PTAFR: variants seen among roughly 807,000 people sequenced by gnomAD.
The protein encoded by PTAFR is platelet activating factor receptor.
A neutral mutation model predicts 14.7 loss-of-function variants in PTAFR; 8 were observed. The observed-to-expected ratio is 0.54, with a 90% confidence interval of 0.32 to 0.98. The LOEUF is 0.98. Ranked by LOEUF, PTAFR falls within the 50% of genes least tolerant of loss-of-function variation. The pLI is 0.04. For missense variants in PTAFR, 337 were observed against 451.2 expected (o/e 0.75, Z 2.29); for synonymous variants, 156 against 176.5 (o/e 0.88, Z 0.92).
At chr1:28,188,515 G>T (rs935357498) in intron 1 of PTAFR, among the ~76,000 whole-genome samples, 11 of 152,252 alleles carry the variant, frequency 7.2e-5, no homozygotes, top group Admixed American at 4.6e-4. Context: ...AAGGCAGGAG[G>T]ATCATCTGAG....
rs763239208 is a variant in PTAFR, at chr1:28,150,230, G to C, written c.792C>G (p.Asp264Glu). 1.2e-6 allele frequency: 2 copies of C among 1,613,456 alleles called. No individual in the cohort carries two copies. Among genetic ancestry groups the C allele is most frequent in the African/African-American group, 2.7e-5 (2 of 74,914 alleles). ...CATTAATGGCCTGGTGGAATTTGCT[G>C]TCCTGGAAGCCCAGCTCAGCAAGGG... ...PWTLAELGFQ[D>E]SKFHQAINDA... Residue 264 changes from aspartate (D) to glutamate (E), a missense_variant, in exon 2 of 2, where the codon GAC becomes GAG. By Grantham distance (45) the Asp-to-Glu change is conservative. Transcript: ENST00000373857. This position sits in a 1 kb window ranked among gnomAD's most constrained non-coding sequence, Gnocchi z 6.3.
chr1:28,175,688 C>A (rs1572044882), intron 1 of PTAFR, among the ~76,000 whole-genome samples: 1 of 152,032 alleles, frequency 6.6e-6, no homozygotes, highest in African/African-American at 2.4e-5. Context: ...GGGCTTGGCC[C>A]TGTGTATAAG....
chr1:28,164,205 T>C (rs1274252854), intron 1 of PTAFR, among the ~76,000 whole-genome samples: 1 of 152,174 alleles, frequency 6.6e-6, no homozygotes, highest in Non-Finnish European at 1.5e-5. Context: ...AGATTGTGGG[T>C]TGGGAAGTTG....
chr1:28,168,793 C>T (rs767996234), intron 1 of PTAFR, among the ~76,000 whole-genome samples: 2 of 152,034 alleles, frequency 1.3e-5, no homozygotes, highest in Admixed American at 6.6e-5. Flanking sequence ...CTCAGCCTCC[C>T]GAGTAGCTGG....
chr1:28,175,359 A>C (rs951335107), intron 1 of PTAFR, among the ~76,000 whole-genome samples: 2 of 151,436 alleles, frequency 1.3e-5, no homozygotes, highest in Non-Finnish European at 2.9e-5. Flanking sequence ...AAGGGGCTGA[A>C]CTCTTTCTCC....
intron 1 of PTAFR, among the ~76,000 whole-genome samples, chr1:28,188,233 C>G (rs528474800): frequency 6.6e-6 from 1 of 152,166 alleles, no homozygotes; most frequent in Non-Finnish European, 1.5e-5. Context: ...ATCGCTTGAA[C>G]CCAGGAGTTC....
At chr1:28,177,892 G>A (rs572711218), upstream of PTAFR, among the ~76,000 whole-genome samples, 2 of 152,104 alleles carry the variant, frequency 1.3e-5, no homozygotes, top group East Asian at 3.9e-4. Context: ...GGGGCATCCC[G>A]TGTGCATAAG....
At chr1:28,168,918 T>C (rs944956449) in intron 1 of PTAFR, among the ~76,000 whole-genome samples, 5 of 152,014 alleles carry the variant, frequency 3.3e-5, no homozygotes, top group Non-Finnish European at 5.9e-5. Flanking sequence ...TCCACCCTCA[T>C]TGACCTCCCA....
chr1:28,181,364 C>G (rs988479647), upstream of PTAFR, among the ~76,000 whole-genome samples: 2 of 152,298 alleles, frequency 1.3e-5, no homozygotes, highest in Non-Finnish European at 2.9e-5. Context: ...CTAGTTTACT[C>G]CTGTTACAGA....
At chr1:28,190,365 C>T (rs1210971098) in intron 1 of PTAFR, among the ~76,000 whole-genome samples, 1 of 152,166 alleles carries the variant, frequency 6.6e-6, no homozygotes, top group Non-Finnish European at 1.5e-5. Flanking sequence ...ATGATTACCT[C>T]TGGGAAAGAG....
At chr1:28,192,603 G>C in intron 1 of PTAFR, among the ~76,000 whole-genome samples, 1 of 150,022 alleles carries the variant, frequency 6.7e-6, no homozygotes, top group African/African-American at 2.4e-5. Context: ...AAGCCTTGGT[G>C]TTTGGCTCCC....
chr1:28,155,950 G>A (rs898779078), intron 1 of PTAFR, among the ~76,000 whole-genome samples: 1 of 151,922 alleles, frequency 6.6e-6, no homozygotes, highest in Non-Finnish European at 1.5e-5. Context: ...CTATATGCGG[G>A]GCTTTGATAT....
rs1646166871 is a variant in PTAFR at position 28,150,329 on chromosome 1, C to T, written c.693G>A (p.Leu231=). The change falls in exon 2 of 2, where the codon CTG becomes CTA. Residue 231 remains leucine (L), a synonymous_variant. Transcript: ENST00000373857. The surrounding 1 kb of genome is among the most constrained non-coding windows in gnomAD (Gnocchi z 6.3). The part of the protein sequence containing the change: ...QRNAEVKRRA[L]WMVCTVLAVF... ...CCGCCAAGACCGTGCACACCATCCACAGCGCCCGGCGCTTGACTTCAGCGT... is the reference window on the plus strand; with the variant it reads ...CCGCCAAGACCGTGCACACCATCCATAGCGCCCGGCGCTTGACTTCAGCGT... 6.2e-7 allele frequency: 1 copy of T among 1,613,934 alleles called. No homozygotes were observed. The highest frequency in any genetic ancestry group is 1.1e-5 in the South Asian group (1 of 91,058).
chr1:28,155,255 G>A (rs1488840769), intron 1 of PTAFR, among the ~76,000 whole-genome samples: 1 of 152,156 alleles, frequency 6.6e-6, no homozygotes, highest in Non-Finnish European at 1.5e-5. Context: ...CTGTCACCCA[G>A]GCTGGAGCGC....
chr1:28,159,431 T>C (rs1421087817), intron 1 of PTAFR, among the ~76,000 whole-genome samples: 1 of 151,974 alleles, frequency 6.6e-6, no homozygotes, highest in African/African-American at 2.4e-5. Flanking sequence ...TGTGGAAACA[T>C]GGAAATCAAT....
At chr1:28,187,552 C>T (rs983063067) in intron 1 of PTAFR, among the ~76,000 whole-genome samples, 1 of 152,086 alleles carries the variant, frequency 6.6e-6, no homozygotes, top group African/African-American at 2.4e-5. Flanking sequence ...GTCACCCAAG[C>T]TGGAGTGAAG....
In PTAFR at chr1:28,147,645, C is replaced by CA. The variant is rs1459550699; in HGVS notation, c.*2347dup. ...TCTATGTGTTCAGGTAAGGGACCTG[C>CA]AAAGCCTGAACAGCCTCCCTAAATC... On this transcript the variant is annotated 3_prime_UTR_variant, in exon 2 of 2. Coordinates refer to ENST00000373857, the MANE Select transcript of PTAFR (RefSeq NM_000952.5). 1 of 152,152 alleles carries CA rather than the reference C, an allele frequency of 6.6e-6. No homozygotes were observed. Among genetic ancestry groups the CA allele is most frequent in the East Asian group, 1.9e-4 (1 of 5,190 alleles). The allele number at this position is 152,152 out of a possible 1,614,324, so 9.4% of individuals were successfully genotyped here. A position where few individuals can be genotyped will look rare whatever the true frequency, so the allele number is the denominator to read the frequency against.
At chr1:28,179,067 C>G (rs900006362), upstream of PTAFR, among the ~76,000 whole-genome samples, 11 of 152,128 alleles carry the variant, frequency 7.2e-5, no homozygotes, top group Admixed American at 4.6e-4. Context: ...GCTTTTTGAG[C>G]CTCGAGTGCC....
chr1:28,161,063 T>A (rs1646317604), intron 1 of PTAFR, among the ~76,000 whole-genome samples: 1 of 152,184 alleles, frequency 6.6e-6, no homozygotes, highest in South Asian at 2.1e-4. Flanking sequence ...AATCCTCCCT[T>A]CCTTGTCATT....
Sources: gnomAD v4.1 joint callset for allele counts (sites outside exome capture counted in the v4.1 genomes callset) on GRCh38, gnomAD v4.1.1 for gene constraint, Gnocchi (gnomAD v3.1) non-coding constraint, MANE v1.5 for transcripts, NCBI Gene and HGNC (gene_info 2026-07-23, HGNC 2026-07-21) for gene names.